Variants in ARMH3 observed in about 807,000 individuals in gnomAD.
ARMH3 encodes the protein armadillo-like helical domain-containing protein 3.
A neutral mutation model predicts 99.1 loss-of-function variants in ARMH3; 60 were observed. The observed-to-expected ratio is 0.61, with a 90% confidence interval of 0.49 to 0.75. The LOEUF is 0.75. Ranked by LOEUF, ARMH3 falls within the 30% of genes least tolerant of loss-of-function variation. The pLI is 0.00. For synonymous variants in ARMH3, 285 were observed against 292.8 expected (o/e 0.97, Z 0.27); for missense variants, 679 against 843.1 (o/e 0.81, Z 2.41).
chr10:101,962,698 T>C (rs968080593), intron 20 of ARMH3, among the ~76,000 whole-genome samples: 34 of 152,252 alleles, frequency 2.2e-4, no homozygotes, highest in Non-Finnish European at 5.9e-5. Context: ...CCAAAGCCAA[T>C]ATGCTGGTTG....
intron 23 of ARMH3, among the ~76,000 whole-genome samples, chr10:101,895,095 T>C (rs974421532): frequency 2.0e-5 from 3 of 152,032 alleles, no homozygotes; most frequent in Non-Finnish European, 4.4e-5. Context: ...AGATTAAGGT[T>C]TCCCTTCGAC....
At chr10:101,956,566 G>A in intron 22 of ARMH3, 31 bp downstream of exon 22, 2 of 1,609,394 alleles carry the variant, frequency 1.2e-6, no homozygotes, top group Non-Finnish European at 1.7e-6. Context: ...ACAAATGGTG[G>A]AGAGAGGAGT....
Position 101,871,827 on chromosome 10 carries a change from C to G in ARMH3, c.1860+17585G>C, listed in dbSNP as rs577268154. ...ACCAGCCTGGTCAACATGGTGAAAC[C>G]CTGTTTCTACTAAATATACAAAAAT... On this transcript the variant is annotated intron_variant, in intron 24 of 25. Coordinates refer to ENST00000370033, the MANE Select transcript of ARMH3 (RefSeq NM_024541.3). Among the ~76,000 whole-genome samples, 4 of 151,906 alleles carry G rather than the reference C, an allele frequency of 2.6e-5. No homozygotes were observed. The East Asian group carries it at 5.8e-4, about 22-fold the overall frequency.
intron 4 of ARMH3, among the ~76,000 whole-genome samples, chr10:102,030,434 C>A (rs892846529): frequency 6.6e-6 from 1 of 152,114 alleles, no homozygotes; most frequent in African/African-American, 2.4e-5. Context: ...TGGGGCCGGA[C>A]GCAGTGGCTC....
At chr10:101,985,789 G>A (rs1453024934) in intron 19 of ARMH3, among the ~76,000 whole-genome samples, 1 of 152,112 alleles carries the variant, frequency 6.6e-6, no homozygotes, top group Non-Finnish European at 1.5e-5. Flanking sequence ...GGCCGAGGTG[G>A]ATGGGTCACC....
intron 24 of ARMH3, among the ~76,000 whole-genome samples, chr10:101,855,859 G>A (rs2066726738): frequency 6.6e-6 from 1 of 151,412 alleles, no homozygotes; most frequent in African/African-American, 2.4e-5. Context: ...ATTTCACAGA[G>A]GAAGAAATAA....
intron 20 of ARMH3, among the ~76,000 whole-genome samples, chr10:101,966,109 T>C (rs1845523999): frequency 6.8e-6 from 1 of 146,518 alleles, no homozygotes; most frequent in Admixed American, 6.8e-5. Flanking sequence ...TTTCTTTTTT[T>C]TTTTTTTTTT....
At chr10:101,895,716 G>T (rs959219100) in intron 23 of ARMH3, among the ~76,000 whole-genome samples, 1 of 152,086 alleles carries the variant, frequency 6.6e-6, no homozygotes, top group Non-Finnish European at 1.5e-5. Flanking sequence ...TGCAAACAAT[G>T]CCATCAAGAA....
At chr10:101,982,639 C>T (rs1846286277) in intron 19 of ARMH3, among the ~76,000 whole-genome samples, 1 of 152,164 alleles carries the variant, frequency 6.6e-6, no homozygotes, top group South Asian at 2.1e-4. Context: ...GTCTGCATTA[C>T]CACCTGAACT....
At chr10:102,011,200 C>G (rs2066621680) in intron 11 of ARMH3, among the ~76,000 whole-genome samples, 1 of 151,978 alleles carries the variant, frequency 6.6e-6, no homozygotes, top group African/African-American at 2.4e-5. Context: ...AAGCCCAAAC[C>G]CTAAGCTATT....
intron 24 of ARMH3, among the ~76,000 whole-genome samples, chr10:101,887,185 TAGAGA>T (rs2067569156): frequency 6.6e-6 from 1 of 152,062 alleles, no homozygotes; most frequent in South Asian, 2.1e-4. Context: ...CAAAATCAGT[TAGAGA>T]AGAGAAGCAA....
Position 101,995,309 on chromosome 10 carries a change from T to G in ARMH3, c.1197A>C (p.Thr399=). 6.2e-7 allele frequency: 1 copy of G among 1,613,826 alleles called. No homozygotes were observed. The highest frequency in any genetic ancestry group is 8.5e-7 in the Non-Finnish European group (1 of 1,179,772). ...TCGTGAGACCTACCTCTGCAATACA[T>G]GTAAGGATAATCAGACAGAGTTTGC... ...HSGKLCLIIL[T]CIAEDQYANA... The change falls in exon 16 of 26, where the codon ACA becomes ACC. Residue 399 remains threonine, a synonymous_variant. Coordinates refer to ENST00000370033, the MANE Select transcript of ARMH3 (RefSeq NM_024541.3).
intron 8 of ARMH3, among the ~76,000 whole-genome samples, chr10:102,023,114 G>C (rs1011173386): frequency 6.6e-6 from 1 of 151,938 alleles, no homozygotes; most frequent in Non-Finnish European, 1.5e-5. Flanking sequence ...TTGAAGCCGG[G>C]AGGCGGAGGT....
chr10:101,966,989 G>A (rs1353568058), intron 20 of ARMH3, among the ~76,000 whole-genome samples: 5 of 152,160 alleles, frequency 3.3e-5, no homozygotes, highest in African/African-American at 1.2e-4. Context: ...GCCTCCAGGA[G>A]AGCACAAACT....
At chr10:101,954,681 A>G (rs1262705643) in intron 22 of ARMH3, among the ~76,000 whole-genome samples, 1 of 152,224 alleles carries the variant, frequency 6.6e-6, no homozygotes, top group Non-Finnish European at 1.5e-5. Context: ...AATTACGGCA[A>G]AATTTTATTA....
At chr10:102,054,868 C>A (rs1038228579) in intron 1 of ARMH3, among the ~76,000 whole-genome samples, 1 of 151,426 alleles carries the variant, frequency 6.6e-6, no homozygotes, top group South Asian at 2.1e-4. Context: ...TGGTAGCTCA[C>A]GTCTGTAATC....
At chr10:101,883,415 C>CT (rs1214215758) in intron 24 of ARMH3, among the ~76,000 whole-genome samples, 1 of 142,242 alleles carries the variant, frequency 7.0e-6, no homozygotes, top group Non-Finnish European at 1.5e-5. Context: ...GACCTTGTCT[C>CT]TAAAAAAAAA....
chr10:101,947,508 TA>T (rs112873631), intron 22 of ARMH3, among the ~76,000 whole-genome samples: 17 of 141,666 alleles, frequency 1.2e-4, no homozygotes, highest in Admixed American at 2.1e-4. Context: ...TCCTAAAAAC[TA>T]AAAAAAAAAG....
At chr10:101,878,442 C>T (rs190043434) in intron 24 of ARMH3, among the ~76,000 whole-genome samples, 1 of 151,552 alleles carries the variant, frequency 6.6e-6, no homozygotes, top group Non-Finnish European at 1.5e-5. Context: ...TGAGACCAGC[C>T]TAGCCTGGGC....
Sources: allele counts gnomAD v4.1 joint callset (sites outside exome capture counted in the v4.1 genomes callset), GRCh38; gene constraint gnomAD v4.1.1; transcripts MANE v1.5; gene names NCBI Gene and HGNC (gene_info 2026-07-23, HGNC 2026-07-21).